CDIN1: variants seen among roughly 807,000 people sequenced by gnomAD.
The protein encoded by CDIN1 is CDAN1-interacting nuclease 1.
In CDIN1, 33 loss-of-function variants were observed where a neutral mutation model predicts 45.3. The observed-to-expected ratio is 0.73, with a 90% CI of 0.55 to 0.97. CDIN1 has a LOEUF of 0.97. Ranked by LOEUF, CDIN1 falls within the 50% of genes least tolerant of loss-of-function variation. The pLI is 0.00. For missense variants in CDIN1, 303 were observed against 339.4 expected, an observed-to-expected ratio of 0.89 and a Z score of 0.84; for synonymous variants, 118 against 124.4, an observed-to-expected ratio of 0.95 and a Z score of 0.34.
intron 1 of CDIN1, chr15:36,595,055 T>A: frequency 3.0e-6 from 1 of 329,080 alleles, no homozygotes; most frequent in Non-Finnish European, 4.4e-6. Flanking sequence ...AACTGACATA[T>A]GTAACCTTGG....
chr15:36,579,765 G>A lies in CDIN1; in HGVS notation c.-96G>A. The A allele has an allele frequency of 3.0e-6, 3 of 990,432 alleles. No individual in the cohort carries two copies. Among genetic ancestry groups the A allele is most frequent in the Non-Finnish European group, 4.5e-6 (3 of 665,108 alleles). The allele number at this position is 990,432 out of a possible 1,614,324, so 61.4% of individuals were successfully genotyped here. The stretch of plus-strand genomic sequence containing the variant: ...CAAGCAGGCGAGGACCCGGGCCTGT[G>A]CCGCTTTGCCTACCCCTCATCCCTC... On this transcript the variant is annotated 5_prime_UTR_variant, in exon 1 of 11. Transcript: ENST00000566621.
chr15:36,806,350 G>A (rs1189079571), intron 10 of CDIN1, among the ~76,000 whole-genome samples: 1 of 152,140 alleles, frequency 6.6e-6, no homozygotes, highest in African/African-American at 2.4e-5. Flanking sequence ...GAAAGTGCAG[G>A]CTGCTCTCAC....
At chr15:36,763,256 T>C (rs2053823340) in intron 10 of CDIN1, among the ~76,000 whole-genome samples, 3 of 152,234 alleles carry the variant, frequency 2.0e-5, no homozygotes, top group Admixed American at 1.3e-4. Flanking sequence ...ATGATGAGCA[T>C]TTTTTCATGT....
At chr15:36,685,940 G>T (rs1462643352) in intron 5 of CDIN1, among the ~76,000 whole-genome samples, 1 of 151,776 alleles carries the variant, frequency 6.6e-6, no homozygotes, top group Non-Finnish European at 1.5e-5. Context: ...GGAGAAATAG[G>T]AACACTTTTA....
At chr15:36,736,513 T>C (rs2044025186) in intron 10 of CDIN1, among the ~76,000 whole-genome samples, 1 of 152,256 alleles carries the variant, frequency 6.6e-6, no homozygotes, top group Admixed American at 6.5e-5. Context: ...AATGAGTTGG[T>C]TATACTCCTG....
At chr15:36,751,760 A>G (rs571383606) in intron 10 of CDIN1, among the ~76,000 whole-genome samples, 13 of 152,180 alleles carry the variant, frequency 8.5e-5, no homozygotes, top group South Asian at 8.3e-4. Flanking sequence ...ATGCCCATCA[A>G]TGATACAGTG....
intron 1 of CDIN1, among the ~76,000 whole-genome samples, chr15:36,592,898 G>A (rs774776152): frequency 6.6e-6 from 1 of 152,076 alleles, no homozygotes; most frequent in Non-Finnish European, 1.5e-5. Flanking sequence ...TGGTACACCC[G>A]AGGGTTTATC....
intron 1 of CDIN1, among the ~76,000 whole-genome samples, chr15:36,581,465 A>G (rs910533501): frequency 3.9e-5 from 6 of 152,188 alleles, no homozygotes; most frequent in African/African-American, 9.7e-5. Context: ...TATTCATGAT[A>G]TACTCAAATC....
At chr15:36,700,299 T>C (rs886497315) in intron 8 of CDIN1, among the ~76,000 whole-genome samples, 4 of 152,192 alleles carry the variant, frequency 2.6e-5, no homozygotes, top group South Asian at 4.1e-4. Context: ...GTATTGCATG[T>C]GTGATCCAAT....
chr15:36,588,903 C>T (rs2037434589), intron 1 of CDIN1, among the ~76,000 whole-genome samples: 1 of 152,042 alleles, frequency 6.6e-6, no homozygotes, highest in African/African-American at 2.4e-5. Flanking sequence ...TAATGTTATT[C>T]TAAGAAGAAT....
chr15:36,759,563 C>G (rs769430435), intron 10 of CDIN1, among the ~76,000 whole-genome samples: 1 of 151,738 alleles, frequency 6.6e-6, no homozygotes, highest in Admixed American at 6.6e-5. Context: ...TCTAAAAGTT[C>G]CAGATAAACA....
chr15:36,754,302 G>A (rs1255280599), intron 10 of CDIN1, among the ~76,000 whole-genome samples: 1 of 152,128 alleles, frequency 6.6e-6, no homozygotes, highest in Non-Finnish European at 1.5e-5. Flanking sequence ...CTGTCATTTA[G>A]TGGATGTGGT....
intron 10 of CDIN1, among the ~76,000 whole-genome samples, chr15:36,713,566 A>G (rs998188484): frequency 2.0e-5 from 3 of 152,168 alleles, no homozygotes; most frequent in African/African-American, 7.2e-5. Flanking sequence ...TTTCTCCTCA[A>G]TAAAATGGAC....
intron 10 of CDIN1, among the ~76,000 whole-genome samples, chr15:36,745,858 C>T (rs1170608741): frequency 3.3e-5 from 5 of 151,780 alleles, no homozygotes; most frequent in Non-Finnish European, 7.4e-5. Context: ...CCCAGCTACT[C>T]GGGAGGCTAA....
chr15:36,597,739 A>C (rs1417153629), intron 1 of CDIN1, among the ~76,000 whole-genome samples: 1 of 152,182 alleles, frequency 6.6e-6, no homozygotes, highest in Non-Finnish European at 1.5e-5. Context: ...CTTGCAATAC[A>C]ATATTATATG....
At chr15:36,599,233 T>C (rs536393336) in intron 1 of CDIN1, among the ~76,000 whole-genome samples, 1 of 152,314 alleles carries the variant, frequency 6.6e-6, no homozygotes, top group Admixed American at 6.5e-5. Flanking sequence ...AAGTCCTATT[T>C]AAAAATATTA....
chr15:36,678,894 A>C (rs2041748423), intron 5 of CDIN1, among the ~76,000 whole-genome samples: 1 of 152,192 alleles, frequency 6.6e-6, no homozygotes, highest in South Asian at 2.1e-4. Flanking sequence ...TACTTCTCTG[A>C]CCTCATGCTA....
chr15:36,584,517 C>T (rs879556264), intron 1 of CDIN1, among the ~76,000 whole-genome samples: 2 of 152,154 alleles, frequency 1.3e-5, no homozygotes, highest in Non-Finnish European at 2.9e-5. Context: ...TATTGTCATG[C>T]GTTTGTATGA....
chr15:36,686,995 T>A (rs1235695632), intron 5 of CDIN1, among the ~76,000 whole-genome samples: 3 of 119,152 alleles, frequency 2.5e-5, no homozygotes, highest in Non-Finnish European at 4.8e-5. Flanking sequence ...GACAAATCAA[T>A]GTAGAATGTA....
Sources: allele counts gnomAD v4.1 joint callset (sites outside exome capture counted in the v4.1 genomes callset), GRCh38; gene constraint gnomAD v4.1.1; transcripts MANE v1.5; gene names NCBI Gene and HGNC (gene_info 2026-07-23, HGNC 2026-07-21).